FAM117B: variants seen among roughly 807,000 people sequenced by gnomAD.
FAM117B encodes the protein family with sequence similarity 117 member B, also known as protein FAM117B.
FAM117B carries 22 observed loss-of-function variants against 52.8 expected under a neutral mutation model. The observed-to-expected ratio is 0.42, with a 90% CI of 0.30 to 0.59. The LOEUF is 0.59. FAM117B is among the 20% of genes least tolerant of loss of function. The pLI is 0.22. For synonymous variants in FAM117B, 309 were observed against 324.1 expected (o/e 0.95, Z 0.50); for missense variants, 678 against 802.6 (o/e 0.84, Z 1.88).
intron 1 of FAM117B, among the ~76,000 whole-genome samples, chr2:202,654,181 T>C (rs1381191358): frequency 6.6e-6 from 1 of 152,016 alleles, no homozygotes; most frequent in Non-Finnish European, 1.5e-5. Context: ...TATTAAATTT[T>C]ATTGGCCAAA....
chr2:202,727,501 A>G (rs1028895443), intron 4 of FAM117B, among the ~76,000 whole-genome samples: 30 of 151,990 alleles, frequency 2.0e-4, no homozygotes, highest in Admixed American at 1.6e-3. Flanking sequence ...AGAATAGAAT[A>G]TGTATAAATA....
intron 4 of FAM117B, among the ~76,000 whole-genome samples, chr2:202,750,371 G>A (rs1316735374): frequency 1.3e-5 from 2 of 152,072 alleles, no homozygotes; most frequent in African/African-American, 4.8e-5. Flanking sequence ...AAATTAGCCA[G>A]GCATGGTGGC....
At chr2:202,637,119 A>T (rs1161126867) in intron 1 of FAM117B, among the ~76,000 whole-genome samples, 1 of 151,440 alleles carries the variant, frequency 6.6e-6, no homozygotes, top group East Asian at 1.9e-4. Context: ...CTGGTCTCGA[A>T]CTCCTGACCT....
chr2:202,637,192 C>G (rs553511105), intron 1 of FAM117B, among the ~76,000 whole-genome samples: 55 of 151,684 alleles, frequency 3.6e-4, no homozygotes, highest in Non-Finnish European at 6.0e-4. Flanking sequence ...CCACTGCGCC[C>G]GGCCCGAATA....
chr2:202,690,979 T>A (rs1454048509), intron 1 of FAM117B, among the ~76,000 whole-genome samples: 2 of 141,534 alleles, frequency 1.4e-5, no homozygotes, highest in Non-Finnish European at 3.3e-5. Flanking sequence ...CTGCGACTTA[T>A]TCTTTTTAAT....
At chr2:202,733,509 A>C (rs559469517) in intron 4 of FAM117B, among the ~76,000 whole-genome samples, 2 of 151,864 alleles carry the variant, frequency 1.3e-5, no homozygotes, top group Non-Finnish European at 2.9e-5. Flanking sequence ...CTGTTTATAG[A>C]CCTCCCCCCA....
chr2:202,666,533 G>A (rs1690206595), intron 1 of FAM117B, among the ~76,000 whole-genome samples: 1 of 151,822 alleles, frequency 6.6e-6, no homozygotes, highest in Non-Finnish European at 1.5e-5. Flanking sequence ...TACTATGTAT[G>A]TTTATATTTT....
intron 4 of FAM117B, among the ~76,000 whole-genome samples, chr2:202,728,968 TTTAGTGTTA>T (rs1388903438): frequency 6.6e-6 from 1 of 152,228 alleles, no homozygotes; most frequent in East Asian, 1.9e-4. Flanking sequence ...TCCCATTTTA[TTTAGTGTTA>T]TCAGCCAACC....
At chr2:202,658,387 T>A (rs1303714998) in intron 1 of FAM117B, among the ~76,000 whole-genome samples, 4 of 152,182 alleles carry the variant, frequency 2.6e-5, no homozygotes, top group African/African-American at 9.7e-5. Flanking sequence ...CACTGCAGCC[T>A]CTGCCTCCTG....
chr2:202,741,453 G>T (rs1294845928), intron 4 of FAM117B, among the ~76,000 whole-genome samples: 1 of 140,598 alleles, frequency 7.1e-6, no homozygotes, highest in Non-Finnish European at 1.5e-5. Flanking sequence ...AAAAGAATTG[G>T]TGATGAAGAA....
intron 7 of FAM117B, among the ~76,000 whole-genome samples, chr2:202,764,876 A>G (rs1691952254): frequency 6.6e-6 from 1 of 152,198 alleles, no homozygotes; most frequent in South Asian, 2.1e-4. Flanking sequence ...TAACTCAAAG[A>G]ATTGTTTCCA....
intron 1 of FAM117B, among the ~76,000 whole-genome samples, chr2:202,689,161 C>G (rs1460116515): frequency 6.6e-6 from 1 of 152,174 alleles, no homozygotes; most frequent in East Asian, 1.9e-4. Context: ...GGTTTTCTGC[C>G]TGGGCACAGT....
chr2:202,688,424 C>T (rs1255027666), intron 1 of FAM117B, among the ~76,000 whole-genome samples: 1 of 151,758 alleles, frequency 6.6e-6, no homozygotes, highest in Non-Finnish European at 1.5e-5. Flanking sequence ...ACAAATTTTA[C>T]AAGAAGGTAA....
intron 4 of FAM117B, among the ~76,000 whole-genome samples, chr2:202,737,289 C>T (rs1332076272): frequency 6.6e-6 from 1 of 152,058 alleles, no homozygotes; most frequent in Admixed American, 6.6e-5. Context: ...TCTTTTTCCT[C>T]TATTTTTTTC....
At chr2:202,752,139 A>G (rs1691734210) in intron 4 of FAM117B, among the ~76,000 whole-genome samples, 1 of 152,198 alleles carries the variant, frequency 6.6e-6, no homozygotes, top group Non-Finnish European at 1.5e-5. Flanking sequence ...TTAAGAATAA[A>G]ATACATAATA....
intron 2 of FAM117B, among the ~76,000 whole-genome samples, chr2:202,709,493 CGCCTGGCCA>C (rs1690927729): frequency 6.6e-6 from 1 of 152,190 alleles, no homozygotes; most frequent in Non-Finnish European, 1.5e-5. Context: ...TGAGCCACCA[CGCCTGGCCA>C]GCCCATTTTT....
At chr2:202,678,535 G>A (rs1352746372) in intron 1 of FAM117B, among the ~76,000 whole-genome samples, 1 of 152,108 alleles carries the variant, frequency 6.6e-6, no homozygotes, top group African/African-American at 2.4e-5. Context: ...GAAGACAGTG[G>A]GAATCTCCAT....
In FAM117B at chr2:202,635,333, AG is replaced by A; in HGVS notation, c.147del (p.Gln49HisfsTer117). On this transcript the variant is annotated frameshift_variant, in exon 1 of 8. Coordinates refer to ENST00000392238, the MANE Select transcript of FAM117B (RefSeq NM_173511.4). LOFTEE classifies it high-confidence loss of function. ...TTCCAGCTGAAGCAGCAGCAGCAGC[AG>A]CAACATGGCAGCCCCACGCGGAGCG... is the stretch of plus-strand genomic sequence containing the variant. Reference protein sequence around the residue: ...VPFQLKQQQQQQHGSPTRSGG... With the variant: ...VPFQLKQQQQXQHGSPTRSGG... 1 of 1,420,408 alleles carries A rather than the reference AG, an allele frequency of 7.0e-7. No individual in the cohort carries two copies. Among genetic ancestry groups the A allele is most frequent in the Non-Finnish European group, 9.2e-7 (1 of 1,086,536 alleles). The allele number at this position is 1,420,408 out of a possible 1,614,324, so 88.0% of individuals were successfully genotyped here. A position where few individuals can be genotyped will look rare whatever the true frequency, so the allele number is the denominator to read the frequency against.
chr2:202,719,017 C>CT (rs1252777064), intron 2 of FAM117B, among the ~76,000 whole-genome samples: 1 of 152,278 alleles, frequency 6.6e-6, no homozygotes, highest in Non-Finnish European at 1.5e-5. Flanking sequence ...TTATTAGATA[C>CT]TTTAATATAA....
Sources: allele counts gnomAD v4.1 joint callset (sites outside exome capture counted in the v4.1 genomes callset), GRCh38; gene constraint gnomAD v4.1.1; transcripts MANE v1.5; gene names NCBI Gene and HGNC (gene_info 2026-07-23, HGNC 2026-07-21).